The following CELF2 variants were observed in gnomAD, a reference collection of about 807,000 sequenced individuals.
CELF2 encodes the protein CUG triplet repeat RNA-binding protein 2.
CELF2 carries 8 observed loss-of-function variants against 62.6 expected under a neutral mutation model. That is an observed-to-expected ratio of 0.13 (90% CI 0.07 to 0.23). The LOEUF (loss-of-function observed/expected upper bound fraction) is 0.23, where lower values mean the gene tolerates loss of function less well. Ranked by LOEUF, CELF2 falls within the 10% of genes least tolerant of loss-of-function variation. CELF2 has a pLI of 1.00. For synonymous variants in CELF2, 258 were observed against 250.0 expected (o/e 1.03, Z -0.30); for missense variants, 333 against 671.0 (o/e 0.50, Z 5.56).
At chr10:10,488,818 T>C in the CELF2 span, among the ~76,000 whole-genome samples, 1 of 152,108 alleles carries the variant, frequency 6.6e-6, no homozygotes, top group Non-Finnish European at 1.5e-5. Context: ...ATCAAATCTT[T>C]CCATTCTTTT....
intron 7 of CELF2, among the ~76,000 whole-genome samples, chr10:11,273,018 C>A (rs2138735913): frequency 6.6e-6 from 1 of 152,302 alleles, no homozygotes; most frequent in South Asian, 2.1e-4. Context: ...TTACAGTGGG[C>A]AGTCCCTAGC....
chr10:10,832,698 T>A (rs774547060), intron 1 of CELF2, among the ~76,000 whole-genome samples: 1 of 152,162 alleles, frequency 6.6e-6, no homozygotes, highest in African/African-American at 2.4e-5. Flanking sequence ...TTACAGGACC[T>A]TTTCCCTAGG....
intron 3 of CELF2, among the ~76,000 whole-genome samples, chr10:11,230,997 CT>C (rs1172681861): frequency 1.8e-4 from 27 of 152,168 alleles, no homozygotes; most frequent in Admixed American, 6.5e-4. Flanking sequence ...GCTTGAGAGA[CT>C]TTTGCTGACA....
At chr10:10,967,663 G>A (rs575396070) in intron 2 of CELF2, among the ~76,000 whole-genome samples, 16 of 152,164 alleles carry the variant, frequency 1.1e-4, no homozygotes, top group Non-Finnish European at 1.0e-4. Flanking sequence ...GGGGCCTCGG[G>A]CTGAACGGGC....
intron 2 of CELF2, among the ~76,000 whole-genome samples, chr10:11,209,108 G>A (rs899828671): frequency 1.3e-5 from 2 of 152,102 alleles, no homozygotes; most frequent in African/African-American, 4.8e-5. Context: ...TCATGCCCCT[G>A]GTTCCTGTAT....
intron 1 of CELF2, among the ~76,000 whole-genome samples, chr10:10,913,203 G>A (rs926050547): frequency 3.9e-5 from 6 of 152,112 alleles, no homozygotes; most frequent in African/African-American, 1.4e-4. Flanking sequence ...AAAACATAGT[G>A]ATGAATGACC....
the CELF2 span, among the ~76,000 whole-genome samples, chr10:10,632,654 TTTTG>T: frequency 6.6e-6 from 1 of 152,198 alleles, no homozygotes; most frequent in Admixed American, 6.5e-5. Flanking sequence ...AAAATCTTCT[TTTTG>T]TTTGTCGGTG....
chr10:10,988,423 C>T (rs1379536784), intron 2 of CELF2, among the ~76,000 whole-genome samples: 3 of 151,844 alleles, frequency 2.0e-5, no homozygotes. Context: ...AATGGAAAAC[C>T]AAATATCGTA....
rs751036020 is a variant in CELF2 at position 11,328,890 on chromosome 10, C to G, written c.1439-36C>G. The G allele has an allele frequency of 1.0e-5, 16 of 1,588,422 alleles. No individual in the cohort carries two copies. Among genetic ancestry groups the G allele is most frequent in the Admixed American group, 1.7e-5 (1 of 58,148 alleles). On this transcript the variant is annotated intron_variant, in intron 12 of 12. Coordinates refer to ENST00000633077, the MANE Select transcript of CELF2 (RefSeq NM_001326342.2). The surrounding 1 kb of genome is among the most constrained non-coding windows in gnomAD (Gnocchi z 6.4). ...CCTTTTCTGTTTTCTGCTGGGCTTC[C>G]TCTCCAGGCTGACTCCCTCTCTCGG...
At chr10:11,162,020 G>C (rs538574786) in intron 1 of CELF2, among the ~76,000 whole-genome samples, 1 of 152,348 alleles carries the variant, frequency 6.6e-6, no homozygotes, top group East Asian at 1.9e-4. Context: ...TGGGAGTCCA[G>C]AGCAGGATTC....
At position 11,046,657 on chromosome 10, in the gene CELF2, C is replaced by T. The variant is rs192848033; in HGVS notation, c.74+28494C>T. Among the ~76,000 whole-genome samples the T allele has an allele frequency of 9.9e-5, 15 of 152,186 alleles. No homozygotes were observed. Among genetic ancestry groups the T allele is most frequent in the African/African-American group, 2.2e-4 (9 of 41,502 alleles). On this transcript the variant is annotated intron_variant, in intron 1 of 12. Transcript: ENST00000633077. The surrounding 1 kb of genome is among the most constrained non-coding windows in gnomAD (Gnocchi z 4.6). ...CTTTCTTTTCCTAACTCATTTCAGA[C>T]GGACGCTAATAACAGCCCGCAGAAC...
chr10:10,531,124 A>T, the CELF2 span, among the ~76,000 whole-genome samples: 7,109 of 152,340 alleles, frequency 0.047, 241 homozygotes, highest in Non-Finnish European at 0.071. Flanking sequence ...TATACTAGCC[A>T]CATCTTCGAA....
the CELF2 span, among the ~76,000 whole-genome samples, chr10:10,731,277 C>T: frequency 2.0e-5 from 3 of 151,968 alleles, no homozygotes; most frequent in African/African-American, 7.3e-5. Flanking sequence ...CACACACACC[C>T]TCAAAGTAAT....
At position 11,321,473 on chromosome 10, in the gene CELF2, C is replaced by T. The variant is rs1427822428; in HGVS notation, c.1294+87C>T. On this transcript the variant is annotated intron_variant, in intron 11 of 12. Transcript: ENST00000633077. This position sits in a 1 kb window ranked among gnomAD's most constrained non-coding sequence, Gnocchi z 6.2. The stretch of plus-strand genomic sequence containing the variant: ...CACGGTTAGAAGGTATCAAATTGAA[C>T]TGAACCCATGTCATAACAGAAAGCA... 1.9e-6 allele frequency: 2 copies of T among 1,036,522 alleles called. No homozygotes were observed. Among genetic ancestry groups the T allele is most frequent in the East Asian group, 5.1e-5 (2 of 39,340 alleles). The allele number at this position is 1,036,522 out of a possible 1,614,324, so 64.2% of individuals were successfully genotyped here. A position where few individuals can be genotyped will look rare whatever the true frequency, so the allele number is the denominator to read the frequency against.
intron 1 of CELF2, among the ~76,000 whole-genome samples, chr10:10,907,163 T>G (rs528595844): frequency 1.1e-4 from 16 of 152,194 alleles, no homozygotes; most frequent in African/African-American, 3.9e-4. Flanking sequence ...GGGAAAAAAT[T>G]CGTACAGCTT....
At chr10:10,925,136 C>T (rs539606253) in intron 2 of CELF2, 2 of 152,286 alleles carry the variant, frequency 1.3e-5, no homozygotes, top group East Asian at 3.9e-4. Context: ...TGATAGGAAA[C>T]ATAACCTCCT....
the CELF2 span, among the ~76,000 whole-genome samples, chr10:10,568,960 G>T: frequency 0.42 from 64,357 of 151,866 alleles, 13,861 homozygotes; most frequent in East Asian, 0.64. Context: ...TATGCTTTCA[G>T]GCCATTCCTT....
chr10:10,906,894 T>C (rs1276778757), intron 1 of CELF2, among the ~76,000 whole-genome samples: 2 of 151,986 alleles, frequency 1.3e-5, no homozygotes, highest in Non-Finnish European at 2.9e-5. Context: ...AATTTTCGTA[T>C]TTTTAGTAGA....
At chr10:11,142,212 G>A (rs1444181518) in intron 1 of CELF2, among the ~76,000 whole-genome samples, 1 of 152,224 alleles carries the variant, frequency 6.6e-6, no homozygotes, top group Non-Finnish European at 1.5e-5. Flanking sequence ...TTCTTGATGG[G>A]AGCAAATTCT....
Sources: allele counts gnomAD v4.1 joint callset (sites outside exome capture counted in the v4.1 genomes callset), GRCh38; gene constraint gnomAD v4.1.1; non-coding constraint Gnocchi (gnomAD v3.1); transcripts MANE v1.5; gene names NCBI Gene and HGNC (gene_info 2026-07-23, HGNC 2026-07-21).